The following EBF1 variants were observed in gnomAD, a reference collection of about 807,000 sequenced individuals.
The protein encoded by EBF1 is EBF transcription factor 1, also known as transcription factor COE1.
A neutral mutation model predicts 68.4 loss-of-function variants in EBF1; 10 were observed. That is an observed-to-expected ratio of 0.15 (90% CI 0.09 to 0.25). EBF1 has a LOEUF of 0.25. EBF1 is among the 10% of genes least tolerant of loss of function. The pLI is 1.00. For missense variants in EBF1, 509 were observed against 794.4 expected, an observed-to-expected ratio of 0.64 and a Z score of 4.32; for synonymous variants, 298 against 299.8, an observed-to-expected ratio of 0.99 and a Z score of 0.06.
At chr5:158,748,371 G>GAT (rs1005890181) in intron 10 of EBF1, among the ~76,000 whole-genome samples, 4 of 152,148 alleles carry the variant, frequency 2.6e-5, no homozygotes, top group Non-Finnish European at 4.4e-5. Flanking sequence ...GGTAGCTCCG[G>GAT]ATAACACGGG....
intron 15 of EBF1, among the ~76,000 whole-genome samples, chr5:158,707,335 T>C (rs1390313238): frequency 6.6e-6 from 1 of 152,230 alleles, no homozygotes; most frequent in African/African-American, 2.4e-5. Context: ...TTAGCAACTA[T>C]TTTATTTTCC....
chr5:158,803,348 G>A (rs1780967617), intron 8 of EBF1, among the ~76,000 whole-genome samples: 1 of 112,088 alleles, frequency 8.9e-6, no homozygotes, highest in Non-Finnish European at 1.7e-5. Flanking sequence ...GCTTGTTTTT[G>A]CTGGTGTTTT....
Position 158,725,463 on chromosome 5 carries a change from C to T in EBF1, c.1125+5606G>A, listed in dbSNP as rs1294879532. ...ACAAATAGAACCCTCCTCTCTCTTCCCCTTTGAGGGCAGTTATAGGCAAGC... is the reference window on the plus strand; with the variant it reads ...ACAAATAGAACCCTCCTCTCTCTTCTCCTTTGAGGGCAGTTATAGGCAAGC... On this transcript the variant is annotated intron_variant, in intron 11 of 15. Coordinates refer to ENST00000313708, the MANE Select transcript of EBF1 (RefSeq NM_024007.5). Among the ~76,000 whole-genome samples the T allele has an allele frequency of 2.0e-5, 3 of 152,228 alleles. No individual in the cohort carries two copies. The East Asian group carries it at 5.8e-4, about 29-fold the overall frequency.
intron 1 of EBF1, among the ~76,000 whole-genome samples, chr5:159,099,140 A>C (rs1007412887): frequency 7.2e-5 from 11 of 152,314 alleles, no homozygotes; most frequent in African/African-American, 2.6e-4. Flanking sequence ...GGCTCCTCGC[A>C]GACAGCTCCA....
intron 9 of EBF1, among the ~76,000 whole-genome samples, chr5:158,784,682 C>T (rs1777064864): frequency 6.6e-6 from 1 of 151,964 alleles, no homozygotes; most frequent in African/African-American, 2.4e-5. Flanking sequence ...TAATCACCTT[C>T]AACACTTAAA....
At chr5:158,981,601 A>G (rs1757910567) in intron 6 of EBF1, among the ~76,000 whole-genome samples, 2 of 152,152 alleles carry the variant, frequency 1.3e-5, no homozygotes, top group South Asian at 4.1e-4. Flanking sequence ...TCTTACTTAA[A>G]ATCCAGTATA....
At chr5:158,742,871 A>G (rs1414279986) in intron 10 of EBF1, among the ~76,000 whole-genome samples, 1 of 152,250 alleles carries the variant, frequency 6.6e-6, no homozygotes, top group Non-Finnish European at 1.5e-5. Flanking sequence ...GAGACACCTA[A>G]TTAAGACAGG....
intron 6 of EBF1, among the ~76,000 whole-genome samples, chr5:158,934,949 A>T (rs1388229451): frequency 2.0e-5 from 3 of 152,258 alleles, no homozygotes; most frequent in Non-Finnish European, 1.5e-5. Flanking sequence ...AGACTTGTTG[A>T]GTTTAATTTG....
At chr5:158,827,628 G>T (rs1786475902) in intron 7 of EBF1, among the ~76,000 whole-genome samples, 1 of 152,124 alleles carries the variant, frequency 6.6e-6, no homozygotes, top group African/African-American at 2.4e-5. Flanking sequence ...TGTCAGGCAG[G>T]AGACCTTGTA....
intron 10 of EBF1, among the ~76,000 whole-genome samples, chr5:158,776,978 A>T (rs1775423601): frequency 1.3e-5 from 2 of 152,216 alleles, no homozygotes. Flanking sequence ...GAAAGAAGGC[A>T]CCAACCCAGA....
intron 4 of EBF1, 41 bp from the exon 5 acceptor site, chr5:159,084,780 GT>G: frequency 7.1e-7 from 1 of 1,413,472 alleles, no homozygotes; most frequent in Non-Finnish European, 9.6e-7. Context: ...ATGGAAAGGA[GT>G]AGCAGAAAAA....
intron 1 of EBF1, chr5:159,097,520 C>A (rs979263806): frequency 1.2e-5 from 3 of 254,656 alleles, no homozygotes; most frequent in Non-Finnish European, 2.3e-5. Context: ...TATTCCGGCA[C>A]CCCTCGAATC....
chr5:158,716,803 A>G (rs1296601736), intron 11 of EBF1, among the ~76,000 whole-genome samples: 1 of 152,168 alleles, frequency 6.6e-6, no homozygotes, highest in Admixed American at 6.5e-5. Context: ...ATTGCCTTTC[A>G]ATCAGAGCTG....
chr5:158,864,536 G>A (rs1025283060), intron 6 of EBF1, among the ~76,000 whole-genome samples: 6 of 152,038 alleles, frequency 3.9e-5, no homozygotes, highest in Non-Finnish European at 5.9e-5. Context: ...TCTGGTTGCT[G>A]GAGTGGAGAA....
At chr5:158,909,705 G>A (rs1454453443) in intron 6 of EBF1, among the ~76,000 whole-genome samples, 3 of 152,152 alleles carry the variant, frequency 2.0e-5, no homozygotes, top group South Asian at 2.1e-4. Context: ...TTGGGAGGCC[G>A]AGGCGGGAGG....
intron 6 of EBF1, among the ~76,000 whole-genome samples, chr5:159,011,255 G>T (rs2127680500): frequency 6.6e-6 from 1 of 152,306 alleles, no homozygotes; most frequent in East Asian, 1.9e-4. Flanking sequence ...TTCTAAAATG[G>T]TCTAACACTG....
At chr5:158,976,676 A>G (rs4401606) in intron 6 of EBF1, among the ~76,000 whole-genome samples, 47,100 of 152,130 alleles carry the variant, frequency 0.31, 8,199 homozygotes, top group South Asian at 0.57. Context: ...GTATAAACCC[A>G]TAAAATGTAA....
chr5:159,013,412 C>T (rs1244456466), intron 6 of EBF1, among the ~76,000 whole-genome samples: 2 of 152,116 alleles, frequency 1.3e-5, no homozygotes, highest in Non-Finnish European at 2.9e-5. Context: ...AGAGTGAAAA[C>T]AAAGAAGCCT....
At chr5:158,766,074 G>A (rs1772604114) in intron 10 of EBF1, among the ~76,000 whole-genome samples, 2 of 152,156 alleles carry the variant, frequency 1.3e-5, no homozygotes, top group African/African-American at 2.4e-5. Context: ...ATCAATGGTG[G>A]TTTAGTAATG....
Sources: allele counts gnomAD v4.1 joint callset (sites outside exome capture counted in the v4.1 genomes callset), GRCh38; gene constraint gnomAD v4.1.1; transcripts MANE v1.5; gene names NCBI Gene and HGNC (gene_info 2026-07-23, HGNC 2026-07-21).